Variants in CWF19L2 observed in about 807,000 individuals in gnomAD.
CWF19L2 encodes CWF19-like protein 2.
CWF19L2 carries 98 observed loss-of-function variants against 111.7 expected under a neutral mutation model. The ratio of observed to expected loss-of-function variants is 0.88; its 90% CI spans 0.75 to 1.04. The LOEUF (loss-of-function observed/expected upper bound fraction) is 1.04, where lower values mean the gene tolerates loss of function less well. Among genes scored for constraint, CWF19L2 ranks in the 50% least tolerant of loss-of-function variants. The probability of loss-of-function intolerance (pLI) is 0.00; values close to 1 mark genes in which losing one functional copy is unlikely to be tolerated. For synonymous variants in CWF19L2, 351 were observed against 342.9 expected, an observed-to-expected ratio of 1.02 and a Z score of -0.26; for missense variants, 1,101 against 1,051.4, an observed-to-expected ratio of 1.05 and a Z score of -0.65.
Position 107,442,923 on chromosome 11 carries a change from C to A in CWF19L2, c.450+16G>T, listed in dbSNP as rs1861652312. 1 of 1,463,030 alleles carries A rather than the reference C, an allele frequency of 6.8e-7. No homozygotes were observed. Among genetic ancestry groups the A allele is most frequent in the African/African-American group, 1.4e-5 (1 of 70,714 alleles). The allele number at this position is 1,463,030 out of a possible 1,614,324, so 90.6% of individuals were successfully genotyped here. On this transcript the variant is annotated intron_variant, in intron 4 of 17. Coordinates refer to ENST00000282251, the MANE Select transcript of CWF19L2 (RefSeq NM_152434.3). ...AAGGAAGAAAGCAAGGAAGGAAAAT[C>A]AAGTGGCTTGCTTACCTTGATAATT...
chr11:107,390,017 G>T, intron 12 of CWF19L2, 57 bp downstream of exon 12: 1 of 1,477,684 alleles, frequency 6.8e-7, no homozygotes, highest in South Asian at 1.2e-5. Flanking sequence ...GCAGATCACT[G>T]TTACACTGAA....
At chr11:107,439,941 A>C (rs1227303305) in intron 5 of CWF19L2, among the ~76,000 whole-genome samples, 1 of 152,196 alleles carries the variant, frequency 6.6e-6, no homozygotes, top group East Asian at 1.9e-4. Context: ...GATCAGAGGC[A>C]CAAGTTCAGT....
rs182227653 is a variant in CWF19L2, at chr11:107,346,177, T to A, written c.2202+2760A>T. Among the ~76,000 whole-genome samples the A allele has an allele frequency of 1.2e-4, 18 of 152,306 alleles. 1 individual carries two copies. The highest frequency in any genetic ancestry group is 1.8e-4 in the Non-Finnish European group (12 of 68,028). On this transcript the variant is annotated intron_variant, in intron 14 of 17. Coordinates refer to ENST00000282251, the MANE Select transcript of CWF19L2 (RefSeq NM_152434.3). ...ATTCAAATTAAAGTACTTAAAACTA[T>A]TAACGCTATATAGGACTGATTTTGG...
chr11:107,357,687 C>G (rs972114681), intron 12 of CWF19L2, among the ~76,000 whole-genome samples: 14 of 152,174 alleles, frequency 9.2e-5, no homozygotes, highest in African/African-American at 3.1e-4. Flanking sequence ...ATTCCCTCCT[C>G]CTGCAGCCTC....
chr11:107,379,218 T>A lies in CWF19L2; in HGVS notation c.1872+10856A>T, dbSNP rs979024873. On this transcript the variant is annotated intron_variant, in intron 12 of 17. Coordinates refer to ENST00000282251, the MANE Select transcript of CWF19L2 (RefSeq NM_152434.3). ...CTCAAAAATTTGTAGTTATTACTAT[T>A]TTCTCCCAGATTCTCCCAAGATTGT... 3.3e-5 allele frequency among the ~76,000 whole-genome samples: 5 copies of A among 152,234 alleles called. No homozygotes were observed. The South Asian group carries it at 6.2e-4, about 19-fold the overall frequency.
chr11:107,339,211 C>A (rs1859970755), intron 14 of CWF19L2, among the ~76,000 whole-genome samples: 1 of 152,104 alleles, frequency 6.6e-6, no homozygotes, highest in Admixed American at 6.5e-5. Context: ...TATGGATGTG[C>A]CCAGTATGTT....
intron 12 of CWF19L2, among the ~76,000 whole-genome samples, chr11:107,378,493 C>T (rs1313520784): frequency 6.6e-6 from 1 of 152,130 alleles, no homozygotes; most frequent in African/African-American, 2.4e-5. Context: ...TGGAAATCAT[C>T]ATTCTCAGTA....
chr11:107,416,386 A>C, intron 9 of CWF19L2, 88 bp from the exon 10 acceptor site: 1 of 499,232 alleles, frequency 2.0e-6, no homozygotes. Flanking sequence ...CAGAAGGAAA[A>C]ACAGCATAAC....
At chr11:107,404,726 T>C (rs1222164104) in intron 10 of CWF19L2, 24 of 306,326 alleles carry the variant, frequency 7.8e-5, no homozygotes, top group Non-Finnish European at 1.4e-4. Flanking sequence ...TGATAGGACC[T>C]AGCACAGTGT....
At chr11:107,381,530 C>T (rs565128584) in intron 12 of CWF19L2, among the ~76,000 whole-genome samples, 1 of 152,228 alleles carries the variant, frequency 6.6e-6, no homozygotes, top group African/African-American at 2.4e-5. Context: ...ATCACAGGAA[C>T]ATATAAATGA....
At chr11:107,434,521 A>C (rs1351849119) in intron 6 of CWF19L2, among the ~76,000 whole-genome samples, 1 of 152,086 alleles carries the variant, frequency 6.6e-6, no homozygotes, top group East Asian at 1.9e-4. Flanking sequence ...AAAAATGCAC[A>C]CACATTAACC....
At chr11:107,427,332 G>A (rs1861392562) in intron 8 of CWF19L2, among the ~76,000 whole-genome samples, 1 of 151,812 alleles carries the variant, frequency 6.6e-6, no homozygotes, top group Non-Finnish European at 1.5e-5. Flanking sequence ...AGCGAACAAA[G>A]AATACTGTCT....
rs1343919196 is a variant in CWF19L2 at position 107,353,760 on chromosome 11, TAG to T, written c.1873-26_1873-25del. 1.9e-6 allele frequency: 3 copies of T among 1,582,796 alleles called. No homozygotes were observed. In the South Asian group the frequency reaches 3.3e-5, roughly 18 times the overall value. ...AACTGAAAAACCAAAATAACAGTAA[TAG>T]AGAGTAGAAGGTAGTGATTAAGATT... On this transcript the variant is annotated intron_variant, in intron 12 of 17. Coordinates refer to ENST00000282251, the MANE Select transcript of CWF19L2 (RefSeq NM_152434.3).
intron 10 of CWF19L2, among the ~76,000 whole-genome samples, chr11:107,399,303 CAACT>C (rs1265429234): frequency 4.6e-5 from 7 of 152,160 alleles, no homozygotes; most frequent in African/African-American, 1.2e-4. Context: ...ACTCACCAAC[CAACT>C]ATGTGCCACC....
intron 12 of CWF19L2, among the ~76,000 whole-genome samples, chr11:107,389,745 T>C (rs983411726): frequency 3.9e-5 from 6 of 151,966 alleles, no homozygotes; most frequent in Non-Finnish European, 8.8e-5. Context: ...CAAGACGGAG[T>C]GGTAACCTAA....
Position 107,376,132 on chromosome 11 carries a change from A to G in CWF19L2, c.1872+13942T>C, listed in dbSNP as rs1325141716. Among the ~76,000 whole-genome samples, 7 of 131,398 alleles carry G rather than the reference A, an allele frequency of 5.3e-5. 1 individual carries two copies. The highest frequency in any genetic ancestry group is 8.0e-5 in the Non-Finnish European group (5 of 62,656). 86.2% of individuals were successfully genotyped at this position (131,398 alleles called of 152,430 possible). On this transcript the variant is annotated intron_variant, in intron 12 of 17. Coordinates refer to ENST00000282251, the MANE Select transcript of CWF19L2 (RefSeq NM_152434.3). ...TTGTGGCAATAATCAATAGCTTACC[A>G]ATGAAAAAGAGTCCAGGACCAGATG... is the stretch of plus-strand genomic sequence containing the variant.
chr11:107,386,240 C>G (rs117078786), intron 12 of CWF19L2, among the ~76,000 whole-genome samples: 1,971 of 152,126 alleles, frequency 0.013, 24 homozygotes, highest in South Asian at 0.038. Context: ...TCTTGAACTC[C>G]TGGCCTCAAG....
chr11:107,328,578 A>T (rs1053293003), intron 17 of CWF19L2, among the ~76,000 whole-genome samples: 3 of 152,224 alleles, frequency 2.0e-5, no homozygotes, highest in Non-Finnish European at 4.4e-5. Flanking sequence ...ATGCTGACAG[A>T]GAAAATTTAC....
At chr11:107,428,589 G>GAATT (rs10629138) in intron 8 of CWF19L2, among the ~76,000 whole-genome samples, 39,688 of 150,532 alleles carry the variant, frequency 0.26, 5,444 homozygotes, top group African/African-American at 0.33. Flanking sequence ...TATAGCTACT[G>GAATT]CTTTCAGCTC....
Sources: allele counts gnomAD v4.1 joint callset (sites outside exome capture counted in the v4.1 genomes callset), GRCh38; gene constraint gnomAD v4.1.1; transcripts MANE v1.5; gene names NCBI Gene and HGNC (gene_info 2026-07-23, HGNC 2026-07-21).